The following SPEN variants were observed in gnomAD, a reference collection of about 807,000 sequenced individuals.
SPEN encodes spen family transcriptional repressor.
In SPEN, 18 loss-of-function variants were observed where a neutral mutation model predicts 269.9. The ratio of observed to expected loss-of-function variants is 0.07; its 90% CI spans 0.05 to 0.10. The LOEUF (loss-of-function observed/expected upper bound fraction) is 0.10, where lower values mean the gene tolerates loss of function less well. SPEN is among the 10% of genes least tolerant of loss of function. The pLI, the probability that SPEN is intolerant of heterozygous loss-of-function variation, is 1.00. For synonymous variants in SPEN, 1,726 were observed against 1,765.7 expected (o/e 0.98, Z 0.56); for missense variants, 3,822 against 4,631.2 (o/e 0.83, Z 5.07).
intron 3 of SPEN, among the ~76,000 whole-genome samples, chr1:15,908,939 G>T (rs1401265374): frequency 1.3e-5 from 2 of 152,136 alleles, no homozygotes; most frequent in African/African-American, 4.8e-5. Context: ...CCACGGACAT[G>T]TGCTATATGT....
At chr1:15,860,219 A>C (rs2148704893) in intron 1 of SPEN, among the ~76,000 whole-genome samples, 1 of 151,324 alleles carries the variant, frequency 6.6e-6, no homozygotes, top group South Asian at 2.1e-4. Context: ...CGTAGTTAAC[A>C]TCTTAAGGCA....
At position 15,937,150 on chromosome 1, in the gene SPEN, T is replaced by G. The variant is rs2071283727; in HGVS notation, c.10027-13T>G. On this transcript the variant is annotated splice_polypyrimidine_tract_variant and intron_variant, in intron 11 of 14. Coordinates refer to ENST00000375759, the MANE Select transcript of SPEN (RefSeq NM_015001.3). The surrounding 1 kb of genome is among the most constrained non-coding windows in gnomAD (Gnocchi z 5.7). ...GACTGACTCTGTCCCTTTGCCTTCC[T>G]TCCCTACACCAGGGCCCTCCTCCTG... 8.1e-6 allele frequency: 13 copies of G among 1,604,796 alleles called. No individual in the cohort carries two copies. The highest frequency in any genetic ancestry group is 1.0e-5 in the Non-Finnish European group (12 of 1,174,170).
rs746747706 is a variant in SPEN, at chr1:15,928,191, C to G, written c.1951C>G (p.Pro651Ala). The stretch of plus-strand genomic sequence containing the variant: ...TCCTGAGGATTCCAGGCGGGACTAT[C>G]CAGCTCGAGGGAGAGAGTTTTATTC... ...TYPEDSRRDYPARGREFYSEW... is the reference protein window; with the variant it reads ...TYPEDSRRDYAARGREFYSEW... The change falls in exon 11 of 15, where the codon CCA (proline) becomes GCA (alanine). Residue 651 changes from proline to alanine, a missense_variant. Pro to Ala is a conservative substitution (Grantham distance 27). Transcript: ENST00000375759. This position sits in a 1 kb window ranked among gnomAD's most constrained non-coding sequence, Gnocchi z 5.7. 5.6e-6 allele frequency: 9 copies of G among 1,614,170 alleles called. No homozygotes were observed. In the East Asian group the frequency reaches 6.7e-5, roughly 12 times the overall value.
At chr1:15,890,942 C>T (rs2070782319) in intron 3 of SPEN, among the ~76,000 whole-genome samples, 1 of 152,118 alleles carries the variant, frequency 6.6e-6, no homozygotes, top group Non-Finnish European at 1.5e-5. Flanking sequence ...TTGATCAGTA[C>T]TGGTGCACTG....
At chr1:15,919,096 G>A (rs2071091466) in intron 7 of SPEN, 45 bp downstream of exon 7, 1 of 1,561,044 alleles carries the variant, frequency 6.4e-7, no homozygotes, top group African/African-American at 1.4e-5. Flanking sequence ...GATTTGCTTT[G>A]TTTTTTAAGA....
chr1:15,870,390 A>G (rs1241306009), intron 1 of SPEN, among the ~76,000 whole-genome samples: 1 of 152,210 alleles, frequency 6.6e-6, no homozygotes, highest in Non-Finnish European at 1.5e-5. Context: ...TTTCTCCCAT[A>G]GCAGGATTTC....
At chr1:15,874,412 C>T in intron 2 of SPEN, 2 of 1,348,724 alleles carry the variant, frequency 1.5e-6, no homozygotes, top group South Asian at 1.2e-5. Context: ...ATGTCCTGAC[C>T]TGTGTATATT....
At chr1:15,860,461 G>T (rs2070435297) in intron 1 of SPEN, among the ~76,000 whole-genome samples, 1 of 149,852 alleles carries the variant, frequency 6.7e-6, no homozygotes, top group Non-Finnish European at 1.5e-5. Flanking sequence ...GTGTGTGTGT[G>T]TGTGTGTGTG....
In SPEN at chr1:15,932,129, GGA is replaced by G. The variant is rs762285274; in HGVS notation, c.5891_5892del (p.Glu1964GlyfsTer15). 3.7e-6 allele frequency: 6 copies of G among 1,613,584 alleles called. No homozygotes were observed. Among genetic ancestry groups the G allele is most frequent in the Non-Finnish European group, 5.1e-6 (6 of 1,179,924 alleles). On this transcript the variant is annotated frameshift_variant, in exon 11 of 15. Coordinates refer to ENST00000375759, the MANE Select transcript of SPEN (RefSeq NM_015001.3). LOFTEE classifies it high-confidence loss of function. This position sits in a 1 kb window ranked among gnomAD's most constrained non-coding sequence, Gnocchi z 4.2. ...PKTRRRADEE[E>X]ENEAKEPAET... ...AGACACGCCGGCGAGCCGATGAAGA[GGA>G]GGAGAACGAGGCCAAGGAACCTGCA...
At chr1:15,911,374 G>C (rs916735215) in intron 5 of SPEN, 73 bp downstream of exon 5, 2 of 1,233,304 alleles carry the variant, frequency 1.6e-6, no homozygotes, top group African/African-American at 3.0e-5. Flanking sequence ...TGAGAGGGCA[G>C]CATATGATCC....
At chr1:15,901,880 A>T (rs1266333925) in intron 3 of SPEN, among the ~76,000 whole-genome samples, 1 of 150,764 alleles carries the variant, frequency 6.6e-6, no homozygotes, top group East Asian at 1.9e-4. Context: ...TTTAGTGAGA[A>T]TGACGTTTTA....
rs775175271 is a variant in SPEN at position 15,931,550 on chromosome 1, T to A, written c.5310T>A (p.Asn1770Lys). 9 of 1,614,112 alleles carry A rather than the reference T, an allele frequency of 5.6e-6. No homozygotes were observed. The East Asian group carries it at 2.0e-4, about 36-fold the overall frequency. ...SKPAQKSEEA[N>K]EPKAEKPDAT... ...CAGCTCAGAAGTCTGAGGAAGCCAA[T>A]GAGCCAAAGGCCGAAAAGCCAGACG... The change falls in exon 11 of 15, where the codon AAT becomes AAA. Residue 1770 changes from asparagine to lysine, a missense_variant. Physicochemically the swap from Asn to Lys is moderately conservative, Grantham distance 94 (BLOSUM62 0). Transcript: ENST00000375759. The surrounding 1 kb of genome is among the most constrained non-coding windows in gnomAD (Gnocchi z 4.8).
chr1:15,863,926 C>T (rs904148465), intron 1 of SPEN, among the ~76,000 whole-genome samples: 1 of 152,110 alleles, frequency 6.6e-6, no homozygotes, highest in African/African-American at 2.4e-5. Flanking sequence ...TCTCTAATGT[C>T]GATGACCAAT....
chr1:15,933,318 A>G lies in SPEN; in HGVS notation c.7078A>G (p.Asn2360Asp), dbSNP rs848210. The G allele has an allele frequency of 0.59, 958,261 of 1,613,788 alleles. 291,619 individuals carry two copies. Among genetic ancestry groups the G allele is most frequent in the African/African-American group, 0.92 (69,205 of 74,966 alleles). The change falls in exon 11 of 15, where the codon AAC becomes GAC. Residue 2360 changes from asparagine (N) to aspartate (D), a missense_variant. By Grantham distance (23) the Asn-to-Asp change is conservative. This residue lies in a region of SPEN where 727 missense variants were observed against 737.9 expected (regional missense o/e 0.99). Transcript: ENST00000375759. This position sits in a 1 kb window ranked among gnomAD's most constrained non-coding sequence, Gnocchi z 5.7. ...APVESHVPES[N>D]QAQGESPAAN... ...TGTAGAGAGCCATGTCCCTGAATCC[A>G]ACCAAGCTCAAGGTGAGAGTCCTGC...
At chr1:15,914,911 A>G (rs995038139) in intron 5 of SPEN, among the ~76,000 whole-genome samples, 2 of 152,230 alleles carry the variant, frequency 1.3e-5, no homozygotes, top group African/African-American at 4.8e-5. Flanking sequence ...AATTTAAAAC[A>G]TATTGCTTTA....
chr1:15,863,072 C>T (rs550830741), intron 1 of SPEN, among the ~76,000 whole-genome samples: 2 of 152,174 alleles, frequency 1.3e-5, no homozygotes, highest in South Asian at 4.2e-4. Flanking sequence ...AATCCCAGCA[C>T]TTTTCCCATT....
rs1221512785 is a variant in SPEN at position 15,932,443 on chromosome 1, C to T, written c.6203C>T (p.Ala2068Val). The T allele has an allele frequency of 6.2e-7, 1 of 1,613,006 alleles. No homozygotes were observed. The highest frequency in any genetic ancestry group is 8.5e-7 in the Non-Finnish European group (1 of 1,179,760). ...APVEVVEKKP[A>V]PEKNSKSKRG... ...GTTGAAGTTGTAGAGAAAAAACCGG[C>T]CCCTGAAAAAAACTCCAAATCAAAG... The change falls in exon 11 of 15, where the codon GCC becomes GTC. Residue 2068 changes from alanine (A) to valine (V), a missense_variant. Around this residue, in one of 16 missense-constraint regions of SPEN, gnomAD observed 727 missense variants for 737.9 expected, o/e 0.99. Transcript: ENST00000375759. This position sits in a 1 kb window ranked among gnomAD's most constrained non-coding sequence, Gnocchi z 4.2.
At chr1:15,894,409 G>T (rs1311077846) in intron 3 of SPEN, among the ~76,000 whole-genome samples, 3 of 151,866 alleles carry the variant, frequency 2.0e-5, no homozygotes, top group East Asian at 1.9e-4. Flanking sequence ...GAGTGTGAAG[G>T]GTCCAGTAAA....
At position 15,934,585 on chromosome 1, in the gene SPEN, A is replaced by C; in HGVS notation, c.8345A>C (p.Asn2782Thr). The stretch of plus-strand genomic sequence containing the variant: ...AAACAGAGAGCGAGTGCTAATGAAA[A>C]CAGTCGGTTCCACCCAGGGTCCATG... Reference protein sequence around the residue: ...KCKQRASANENSRFHPGSMPV... With the variant: ...KCKQRASANETSRFHPGSMPV... Residue 2782 changes from asparagine (N) to threonine (T), a missense_variant, in exon 11 of 15, where the codon AAC becomes ACC. This residue lies in a region of SPEN where 329 missense variants were observed against 431.2 expected (regional missense o/e 0.76). Coordinates refer to ENST00000375759, the MANE Select transcript of SPEN (RefSeq NM_015001.3). The surrounding 1 kb of genome is among the most constrained non-coding windows in gnomAD (Gnocchi z 9.2). 6.2e-7 allele frequency: 1 copy of C among 1,614,102 alleles called. No homozygotes were observed. Among genetic ancestry groups the C allele is most frequent in the Non-Finnish European group, 8.5e-7 (1 of 1,180,012 alleles).
Sources: gnomAD v4.1 joint callset for allele counts (sites outside exome capture counted in the v4.1 genomes callset) on GRCh38, gnomAD v4.1.1 for gene constraint, gnomAD v4.1.1 regional missense constraint, Gnocchi (gnomAD v3.1) non-coding constraint, MANE v1.5 for transcripts, NCBI Gene and HGNC (gene_info 2026-07-23, HGNC 2026-07-21) for gene names.